The following PITPNC1 variants were observed in gnomAD, a reference collection of about 807,000 sequenced individuals.
PITPNC1 encodes phosphatidylinositol transfer protein cytoplasmic 1.
A neutral mutation model predicts 44.7 loss-of-function variants in PITPNC1; 18 were observed. That is an observed-to-expected ratio of 0.40 (90% CI 0.28 to 0.60). PITPNC1 has a LOEUF of 0.60. Among genes scored for constraint, PITPNC1 ranks in the 20% least tolerant of loss-of-function variants. PITPNC1 has a pLI of 0.39. For synonymous variants in PITPNC1, 141 were observed against 149.6 expected, an observed-to-expected ratio of 0.94 and a Z score of 0.42; for missense variants, 290 against 418.4, an observed-to-expected ratio of 0.69 and a Z score of 2.68.
chr17:67,399,008 C>CTTTTTTT (rs34059580), intron 1 of PITPNC1, among the ~76,000 whole-genome samples: 22 of 88,506 alleles, frequency 2.5e-4, no homozygotes, highest in African/African-American at 5.0e-4. Flanking sequence ...AGAGGATCAG[C>CTTTTTTT]TTTTTTTTTT....
intron 1 of PITPNC1, among the ~76,000 whole-genome samples, chr17:67,486,245 T>C (rs1345247292): frequency 6.6e-6 from 1 of 152,216 alleles, no homozygotes; most frequent in Non-Finnish European, 1.5e-5. Context: ...GAGTATATTA[T>C]CTTAGTCTTG....
chr17:67,456,645 T>C (rs926141023), intron 1 of PITPNC1, among the ~76,000 whole-genome samples: 11 of 152,144 alleles, frequency 7.2e-5, no homozygotes, highest in Admixed American at 6.5e-5. Context: ...TTTTTTCTTA[T>C]TTAGTGTTTT....
At chr17:67,408,644 T>C (rs1222678760) in intron 1 of PITPNC1, 3 of 151,734 alleles carry the variant, frequency 2.0e-5, no homozygotes, top group Admixed American at 6.6e-5. Flanking sequence ...TTTCCTTTCC[T>C]TTTCCTCCCT....
intron 5 of PITPNC1, among the ~76,000 whole-genome samples, chr17:67,580,634 C>G (rs1391946155): frequency 6.6e-6 from 1 of 152,168 alleles, no homozygotes; most frequent in African/African-American, 2.4e-5. Flanking sequence ...AGCCACCATG[C>G]CTGGCTGGAA....
intron 6 of PITPNC1, among the ~76,000 whole-genome samples, chr17:67,667,830 A>C (rs1174813672): frequency 2.6e-5 from 4 of 152,044 alleles, no homozygotes; most frequent in Non-Finnish European, 4.4e-5. Flanking sequence ...AAATACAAAA[A>C]TTAGCTGGGC....
chr17:67,675,082 G>A (rs1366978510), intron 7 of PITPNC1, among the ~76,000 whole-genome samples: 1 of 151,396 alleles, frequency 6.6e-6, no homozygotes, highest in East Asian at 1.9e-4. Context: ...TGACCTCCTG[G>A]CACCAGTGAG....
chr17:67,412,234 G>A (rs139351319), intron 1 of PITPNC1, among the ~76,000 whole-genome samples: 31 of 152,294 alleles, frequency 2.0e-4, no homozygotes, highest in African/African-American at 7.2e-4. Context: ...ACTGAGCACA[G>A]GACTTGGCCT....
chr17:67,608,491 C>CG (rs1174151252), intron 5 of PITPNC1, among the ~76,000 whole-genome samples: 1 of 133,018 alleles, frequency 7.5e-6, no homozygotes, highest in Non-Finnish European at 1.6e-5. Flanking sequence ...TGTTTCTCAG[C>CG]TTTTTTTTTT....
At position 67,678,211 on chromosome 17, in the gene PITPNC1, G is replaced by A. The variant is rs1322995199; in HGVS notation, c.682+2669G>A. 1.3e-4 allele frequency among the ~76,000 whole-genome samples: 9 copies of A among 67,224 alleles called. No homozygotes were observed. The South Asian group carries it at 1.8e-3, about 14-fold the overall frequency. 44.1% of individuals were successfully genotyped at this position (67,224 alleles called of 152,430 possible). A position where few individuals can be genotyped will look rare whatever the true frequency, so the allele number is the denominator to read the frequency against. On this transcript the variant is annotated intron_variant, in intron 8 of 8. Coordinates refer to ENST00000581322, the MANE Select transcript of PITPNC1 (RefSeq NM_012417.4). ...AGCCTGGGTGACCGAACAAGACCTC[G>A]TCTCTTTAAAAAAAAAAAAAGAATT...
intron 2 of PITPNC1, among the ~76,000 whole-genome samples, chr17:67,536,809 TTGA>T (rs1400012774): frequency 6.6e-6 from 1 of 152,204 alleles, no homozygotes; most frequent in African/African-American, 2.4e-5. Flanking sequence ...TTTTTCCTCC[TTGA>T]TAAAAAGAGG....
At chr17:67,486,290 T>C (rs2039777106) in intron 1 of PITPNC1, among the ~76,000 whole-genome samples, 1 of 152,128 alleles carries the variant, frequency 6.6e-6, no homozygotes, top group Non-Finnish European at 1.5e-5. Context: ...CAATATATAT[T>C]GATGGTGGTG....
At position 67,518,644 on chromosome 17, in the gene PITPNC1, AAAAC is replaced by A. The variant is rs149219731; in HGVS notation, c.49-14142_49-14139del. Among the ~76,000 whole-genome samples the A allele has an allele frequency of 7.9e-5, 12 of 152,268 alleles. No homozygotes were observed. The East Asian group carries it at 1.2e-3, about 15-fold the overall frequency. ...ACCTGTTAGGATGGTGGTTATCAAA[AAAAC>A]AAACAAACAAACAAAAAAAGGAAAA... On this transcript the variant is annotated intron_variant, in intron 1 of 8. Transcript: ENST00000581322.
chr17:67,462,225 C>CTTTTTTTTTTTTTTTTTTTTTT (rs549707875), intron 1 of PITPNC1, among the ~76,000 whole-genome samples: 17 of 71,260 alleles, frequency 2.4e-4, no homozygotes, highest in Admixed American at 5.4e-4. Flanking sequence ...TTCTTTCTTT[C>CTTTTTTTTTTTTTTTTTTTTTT]TTTTTTTTTT....
At chr17:67,542,073 C>T (rs1039809778) in intron 2 of PITPNC1, among the ~76,000 whole-genome samples, 2 of 152,194 alleles carry the variant, frequency 1.3e-5, no homozygotes, top group Non-Finnish European at 2.9e-5. Context: ...TCCTTTTCAA[C>T]CCTAACTTTC....
intron 8 of PITPNC1, among the ~76,000 whole-genome samples, chr17:67,689,887 T>A (rs755293740): frequency 3.2e-4 from 49 of 152,358 alleles, no homozygotes; most frequent in Non-Finnish European, 6.0e-4. Flanking sequence ...CTCAACTTTA[T>A]TGTGAAATAA....
intron 1 of PITPNC1, among the ~76,000 whole-genome samples, chr17:67,516,593 C>T (rs4791286): frequency 0.69 from 104,297 of 151,996 alleles, 35,999 homozygotes; most frequent in East Asian, 0.77. Context: ...CCAGAGCTTG[C>T]TTGCAGGCAG....
chr17:67,479,559 T>A (rs1196489897), intron 1 of PITPNC1, among the ~76,000 whole-genome samples: 1 of 152,212 alleles, frequency 6.6e-6, no homozygotes, highest in Admixed American at 6.5e-5. Context: ...CTTTTGAATC[T>A]CAATTAGTAA....
At chr17:67,554,253 A>ATTTTTTTTTTT in intron 4 of PITPNC1, among the ~76,000 whole-genome samples, 2 of 111,082 alleles carry the variant, frequency 1.8e-5, no homozygotes, top group African/African-American at 3.4e-5. Flanking sequence ...ATAGTTTATG[A>ATTTTTTTTTTT]TTTTTTTTTT....
At chr17:67,675,651 C>A in intron 8 of PITPNC1, 109 bp downstream of exon 8, 1 of 749,750 alleles carries the variant, frequency 1.3e-6, no homozygotes, top group Non-Finnish European at 2.4e-6. Context: ...AAGGCAAGGC[C>A]GCTGCTTCCT....
Sources: gnomAD v4.1 joint callset for allele counts (sites outside exome capture counted in the v4.1 genomes callset) on GRCh38, gnomAD v4.1.1 for gene constraint, MANE v1.5 for transcripts, NCBI Gene and HGNC (gene_info 2026-07-23, HGNC 2026-07-21) for gene names.